Variants in PTCH1 observed in about 807,000 individuals in gnomAD.
The protein encoded by PTCH1 is patched 1.
Under a neutral mutation model 144.6 loss-of-function variants are expected in PTCH1, and 14 were observed. The ratio of observed to expected loss-of-function variants is 0.10; its 90% CI spans 0.06 to 0.15. The LOEUF (loss-of-function observed/expected upper bound fraction) is 0.15. Among genes scored for constraint, PTCH1 ranks in the 10% least tolerant of loss-of-function variants. The pLI is 1.00. For synonymous variants in PTCH1, 833 were observed against 793.6 expected (o/e 1.05, Z -0.83); for missense variants, 1,623 against 1,948.3 (o/e 0.83, Z 3.14).
chr9:95,485,578 G>C, intron 3 of PTCH1, 107 bp downstream of exon 3: 4 of 1,307,952 alleles, frequency 3.1e-6, no homozygotes, highest in African/African-American at 1.5e-5. Context: ...TACTCCAGGT[G>C]CATTTCCAGG....
chr9:95,463,096 G>T (rs1035570826), intron 15 of PTCH1, among the ~76,000 whole-genome samples: 2 of 151,892 alleles, frequency 1.3e-5, no homozygotes, highest in African/African-American at 2.4e-5. Context: ...ACATGTATGG[G>T]TTGGACACGG....
At chr9:95,463,995 A>C (rs929258288) in intron 15 of PTCH1, among the ~76,000 whole-genome samples, 3 of 152,178 alleles carry the variant, frequency 2.0e-5, no homozygotes, top group Admixed American at 2.0e-4. Context: ...CGGTTTTATG[A>C]TATTCACACA....
At position 95,458,548 on chromosome 9, in the gene PTCH1, A is replaced by G. The variant is rs1273069865; in HGVS notation, c.2888-255T>C. 6.6e-6 allele frequency among the ~76,000 whole-genome samples: 1 copy of G among 152,248 alleles called. No homozygotes were observed. Among genetic ancestry groups the G allele is most frequent in the African/African-American group, 2.4e-5 (1 of 41,464 alleles). On this transcript the variant is annotated intron_variant, in intron 17 of 23. Transcript: ENST00000331920. The surrounding 1 kb of genome is among the most constrained non-coding windows in gnomAD (Gnocchi z 4.7). ...AGCAGTCATTCTTTGTGAGGGGTCT[A>G]AAAACTCCAGGCTTACATTTTGGGA...
chr9:95,467,556 CT>C (rs1287450524), intron 14 of PTCH1, 131 bp from the exon 15 acceptor site: 8 of 880,488 alleles, frequency 9.1e-6, no homozygotes, highest in African/African-American at 5.1e-5. Context: ...AGGGGTTGTT[CT>C]CCCATAGGAA....
intron 15 of PTCH1, among the ~76,000 whole-genome samples, 157 bp downstream of exon 15, chr9:95,466,959 A>C (rs965901814): frequency 6.6e-6 from 1 of 152,248 alleles, no homozygotes; most frequent in African/African-American, 2.4e-5. Flanking sequence ...GCTGCTGCAG[A>C]AACAGTTCAT....
intron 12 of PTCH1, among the ~76,000 whole-genome samples, chr9:95,470,404 G>A (rs529186808): frequency 2.0e-5 from 3 of 152,166 alleles, no homozygotes; most frequent in East Asian, 1.9e-4. Context: ...AATTTCACAC[G>A]TGTCCCCTGA....
At chr9:95,474,181 A>C (rs1840833077) in intron 12 of PTCH1, 1 of 407,290 alleles carries the variant, frequency 2.5e-6, no homozygotes, top group Admixed American at 2.9e-5. Context: ...AGAAAAGAAG[A>C]AAAGAAGGAG....
chr9:95,453,687 C>A, intron 19 of PTCH1, 67 bp from the exon 20 acceptor site: 1 of 1,598,056 alleles, frequency 6.3e-7, no homozygotes. Flanking sequence ...CAGCTCTGTC[C>A]TAAATGTTAC....
intron 3 of PTCH1, among the ~76,000 whole-genome samples, chr9:95,484,537 G>T (rs907281617): frequency 6.6e-6 from 1 of 152,146 alleles, no homozygotes; most frequent in Non-Finnish European, 1.5e-5. Context: ...TCTCTTCTTT[G>T]GTTCTCCCTG....
rs1837663980 is a variant in PTCH1 at position 95,443,885 on chromosome 9, TA to T, written c.*2507del. 3 of 152,604 alleles carry T rather than the reference TA, an allele frequency of 2.0e-5. No individual in the cohort carries two copies. Among genetic ancestry groups the T allele is most frequent in the Admixed American group, 6.5e-5 (1 of 15,280 alleles). 9.5% of individuals were successfully genotyped at this position (152,604 alleles called of 1,614,324 possible). ...TTTATTTCCTTTAAACTCCTTACCCTAAAACCTACCATGAGTCCTTAATGTA... is the reference window on the plus strand; with the variant it reads ...TTTATTTCCTTTAAACTCCTTACCCTAAACCTACCATGAGTCCTTAATGTA... On this transcript the variant is annotated 3_prime_UTR_variant, in exon 24 of 24. Coordinates refer to ENST00000331920, the MANE Select transcript of PTCH1 (RefSeq NM_000264.5).
chr9:95,498,149 T>C (rs1350519686), intron 2 of PTCH1, among the ~76,000 whole-genome samples: 5 of 152,230 alleles, frequency 3.3e-5, no homozygotes, highest in Admixed American at 2.6e-4. Context: ...GTCTCATTAA[T>C]AACTGAAAAC....
chr9:95,493,926 G>A (rs981085403), intron 2 of PTCH1, among the ~76,000 whole-genome samples: 5 of 152,192 alleles, frequency 3.3e-5, no homozygotes, highest in African/African-American at 9.6e-5. Flanking sequence ...TTTCTGGGCC[G>A]TTTTTTTCCT....
At chr9:95,479,826 T>C (rs1269209156) in intron 7 of PTCH1, 143 bp downstream of exon 7, 1 of 1,364,512 alleles carries the variant, frequency 7.3e-7, no homozygotes, top group Non-Finnish European at 1.0e-6. Flanking sequence ...TACTATTTCT[T>C]AATATTCTAT....
intron 2 of PTCH1, chr9:95,495,006 G>C (rs960118550): frequency 6.6e-6 from 1 of 152,440 alleles, no homozygotes; most frequent in Non-Finnish European, 1.5e-5. Flanking sequence ...AAGACAATGC[G>C]AGTCTCCACC....
In PTCH1 at chr9:95,447,293, G is replaced by A. The variant is rs139071993; in HGVS notation, c.3963C>T (p.Asp1321=). ...GCCCTTCAGTAGAAATTTCAAAAGC[G>A]TCTCTGCGCGGTCTGTAGGGGGGTG... The part of the protein sequence containing the change: ...LWPPPYRPRR[D]AFEISTEGHS... Residue 1321 remains aspartate (D), a synonymous_variant, in exon 23 of 24, where the codon GAC becomes GAT. Transcript: ENST00000331920. 179 of 1,613,090 alleles carry A rather than the reference G, an allele frequency of 1.1e-4. No individual in the cohort carries two copies. Among genetic ancestry groups the A allele is most frequent in the East Asian group, 6.5e-4 (29 of 44,850 alleles).
chr9:95,469,902 G>T lies in PTCH1; in HGVS notation c.1758C>A (p.Ala586=), dbSNP rs2118096020. 1 of 1,614,024 alleles carries T rather than the reference G, an allele frequency of 6.2e-7. No individual in the cohort carries two copies. Among genetic ancestry groups the T allele is most frequent in the Middle Eastern group, 1.6e-4 (1 of 6,062 alleles). Reference sequence around the variant, plus strand: ...TTGCAGGAAAAATGAGCAGAACCATGGCAAAATTGAACACCACTACTACCG... The same window carrying T: ...TTGCAGGAAAAATGAGCAGAACCATTGCAAAATTGAACACCACTACTACCG... ...QAAVVVVFNF[A]MVLLIFPAIL... Residue 586 remains alanine, a synonymous_variant, in exon 13 of 24, where the codon GCC becomes GCA. Coordinates refer to ENST00000331920, the MANE Select transcript of PTCH1 (RefSeq NM_000264.5).
chr9:95,474,765 A>G (rs1840886338), intron 12 of PTCH1, among the ~76,000 whole-genome samples: 1 of 152,208 alleles, frequency 6.6e-6, no homozygotes, highest in South Asian at 2.1e-4. Context: ...AGACTAGGAA[A>G]GAGCTAAACA....
chr9:95,487,817 G>A (rs747180499), intron 2 of PTCH1, among the ~76,000 whole-genome samples: 6 of 152,154 alleles, frequency 3.9e-5, no homozygotes, highest in Non-Finnish European at 7.3e-5. Flanking sequence ...CTTTACTGAA[G>A]CTTAACATAT....
intron 3 of PTCH1, among the ~76,000 whole-genome samples, chr9:95,484,858 C>G (rs1400602342): frequency 6.6e-6 from 1 of 152,190 alleles, no homozygotes; most frequent in South Asian, 2.1e-4. Context: ...ATGCTTTACT[C>G]TACTCACAGC....
Sources: gnomAD v4.1 joint callset for allele counts (sites outside exome capture counted in the v4.1 genomes callset) on GRCh38, gnomAD v4.1.1 for gene constraint, Gnocchi (gnomAD v3.1) non-coding constraint, MANE v1.5 for transcripts, NCBI Gene and HGNC (gene_info 2026-07-23, HGNC 2026-07-21) for gene names.